VWA3B: variants seen among roughly 807,000 people sequenced by gnomAD.
VWA3B encodes the protein von Willebrand factor A domain containing 3B, also known as von Willebrand factor A domain-containing protein 3B.
A neutral mutation model predicts 158.3 loss-of-function variants in VWA3B; 138 were observed. The ratio of observed to expected loss-of-function variants is 0.87; its 90% CI spans 0.76 to 1.00. The LOEUF (loss-of-function observed/expected upper bound fraction) is 1.00. Ranked by LOEUF, VWA3B falls within the 50% of genes least tolerant of loss-of-function variation. VWA3B has a pLI of 0.00. For missense variants in VWA3B, 1,555 were observed against 1,565.1 expected, an observed-to-expected ratio of 0.99 and a Z score of 0.11; for synonymous variants, 596 against 587.3, an observed-to-expected ratio of 1.01 and a Z score of -0.21.
chr2:98,176,984 T>C (rs1303253725), intron 8 of VWA3B, among the ~76,000 whole-genome samples: 1 of 152,058 alleles, frequency 6.6e-6, no homozygotes, highest in Non-Finnish European at 1.5e-5. Context: ...AGGAATGAGG[T>C]GCCAGGCAAG....
chr2:98,242,995 A>T (rs1293244923), intron 19 of VWA3B, among the ~76,000 whole-genome samples: 1 of 152,056 alleles, frequency 6.6e-6, no homozygotes, highest in East Asian at 1.9e-4. Context: ...AATGTATAGA[A>T]AGATTAGAAA....
At chr2:98,187,706 G>A (rs1681216200) in intron 9 of VWA3B, among the ~76,000 whole-genome samples, 1 of 148,462 alleles carries the variant, frequency 6.7e-6, no homozygotes, top group South Asian at 2.1e-4. Flanking sequence ...GTGTGTGTCG[G>A]TTGGGGGTGT....
chr2:98,177,835 C>G (rs1197157978), intron 8 of VWA3B, among the ~76,000 whole-genome samples: 3 of 152,076 alleles, frequency 2.0e-5, no homozygotes, highest in Admixed American at 6.5e-5. Flanking sequence ...CTGTGGTACA[C>G]TTGAATTTAT....
chr2:98,217,665 A>G (rs114921331), intron 13 of VWA3B, among the ~76,000 whole-genome samples, 181 bp from the exon 14 acceptor site: 2 of 152,108 alleles, frequency 1.3e-5, no homozygotes, highest in African/African-American at 4.8e-5. Flanking sequence ...TTGTACTCTC[A>G]CCATCTGGCA....
At chr2:98,328,332 G>A in the VWA3B span, among the ~76,000 whole-genome samples, 5 of 152,078 alleles carry the variant, frequency 3.3e-5, no homozygotes, top group Admixed American at 1.3e-4. Context: ...GTTAAACATT[G>A]TACTGAGCAA....
In VWA3B at chr2:98,200,743, C is replaced by T. The variant is rs547968227; in HGVS notation, c.1737+6251C>T. Among the ~76,000 whole-genome samples, 5 of 152,264 alleles carry T rather than the reference C, an allele frequency of 3.3e-5. No homozygotes were observed. In the South Asian group the frequency reaches 6.2e-4, roughly 19 times the overall value. On this transcript the variant is annotated intron_variant, in intron 12 of 27. Coordinates refer to ENST00000477737, the MANE Select transcript of VWA3B (RefSeq NM_144992.5). ...ACGGATTGTGCTTTTAGACCCATAG[C>T]TAAACACATTGCAGTCATGCAGGTT... is the stretch of plus-strand genomic sequence containing the variant.
At chr2:98,141,570 C>T (rs1676783076) in intron 7 of VWA3B, among the ~76,000 whole-genome samples, 1 of 152,040 alleles carries the variant, frequency 6.6e-6, no homozygotes, top group Non-Finnish European at 1.5e-5. Context: ...ACACCTTCCA[C>T]CAGGCCCCAT....
intron 14 of VWA3B, among the ~76,000 whole-genome samples, chr2:98,227,856 A>G (rs1157820689): frequency 6.6e-6 from 1 of 152,230 alleles, no homozygotes; most frequent in Non-Finnish European, 1.5e-5. Context: ...GGGAATGTCA[A>G]ACTTTTCAAA....
chr2:98,316,059 T>A (rs763171124), downstream of VWA3B, among the ~76,000 whole-genome samples: 1 of 152,208 alleles, frequency 6.6e-6, no homozygotes, highest in Non-Finnish European at 1.5e-5. Context: ...CAAGATTAGG[T>A]TCCTGCAGGC....
intron 23 of VWA3B, among the ~76,000 whole-genome samples, chr2:98,294,416 G>A (rs998104904): frequency 1.3e-5 from 2 of 152,206 alleles, no homozygotes; most frequent in African/African-American, 4.8e-5. Flanking sequence ...CCAGGTCCAC[G>A]CGGAAGCAGA....
chr2:98,175,349 T>G (rs548137925), intron 8 of VWA3B, among the ~76,000 whole-genome samples: 2 of 152,270 alleles, frequency 1.3e-5, no homozygotes, highest in South Asian at 4.1e-4. Context: ...CAATTAGAGA[T>G]ATCAATAATG....
chr2:98,193,620 G>T (rs1681779594), intron 11 of VWA3B, among the ~76,000 whole-genome samples: 1 of 150,494 alleles, frequency 6.6e-6, no homozygotes, highest in Admixed American at 6.6e-5. Flanking sequence ...TTTTGAGATG[G>T]AGTCTCACTG....
intron 2 of VWA3B, among the ~76,000 whole-genome samples, chr2:98,102,387 T>C (rs186336319): frequency 6.6e-6 from 1 of 152,294 alleles, no homozygotes; most frequent in African/African-American, 2.4e-5. Context: ...GTCGCTGTCT[T>C]TTCGGAGCTG....
chr2:98,248,589 A>G (rs1352048600), intron 19 of VWA3B, among the ~76,000 whole-genome samples: 2 of 152,164 alleles, frequency 1.3e-5, no homozygotes, highest in African/African-American at 4.8e-5. Flanking sequence ...AGAGACCCTC[A>G]TACCAATGCT....
At chr2:98,123,977 T>C (rs372737389) in intron 5 of VWA3B, among the ~76,000 whole-genome samples, 2 of 152,252 alleles carry the variant, frequency 1.3e-5, no homozygotes, top group African/African-American at 4.8e-5. Flanking sequence ...ATCCACCTGC[T>C]GGCACACATC....
In VWA3B at chr2:98,215,887, A is replaced by G. The variant is rs1395485970; in HGVS notation, c.1837-1959A>G. On this transcript the variant is annotated intron_variant, in intron 13 of 27. Transcript: ENST00000477737. ...ACTGCCCTTTCGACACACGTGGTCT[A>G]TTTTTTTTTCATTATTCCTTGGATT... 2.0e-5 allele frequency among the ~76,000 whole-genome samples: 3 copies of G among 151,036 alleles called. No individual in the cohort carries two copies. The East Asian group carries it at 5.8e-4, about 29-fold the overall frequency.
At chr2:98,117,615 A>G (rs1277783273) in intron 3 of VWA3B, among the ~76,000 whole-genome samples, 1 of 152,190 alleles carries the variant, frequency 6.6e-6, no homozygotes, top group Admixed American at 6.5e-5. Context: ...GAAACAGCAG[A>G]GAGCCTGGAG....
At chr2:98,183,020 A>C (rs1680722739) in intron 9 of VWA3B, among the ~76,000 whole-genome samples, 2 of 152,222 alleles carry the variant, frequency 1.3e-5, no homozygotes, top group South Asian at 4.1e-4. Context: ...TATTCAAGCT[A>C]GCTCTAATAC....
chr2:98,216,697 G>A, intron 13 of VWA3B: 2 of 471,664 alleles, frequency 4.2e-6, no homozygotes. Flanking sequence ...ATCCTAGGCT[G>A]ACAGCAGCTC....
Sources: gnomAD v4.1 joint callset for allele counts (sites outside exome capture counted in the v4.1 genomes callset) on GRCh38, gnomAD v4.1.1 for gene constraint, MANE v1.5 for transcripts, NCBI Gene and HGNC (gene_info 2026-07-23, HGNC 2026-07-21) for gene names.